The following PRKRA variants were observed in gnomAD, a reference collection of about 807,000 sequenced individuals.
PRKRA encodes protein activator of interferon induced protein kinase EIF2AK2, also known as interferon-inducible double-stranded RNA-dependent protein kinase activator A.
PRKRA carries 22 observed loss-of-function variants against 32.4 expected under a neutral mutation model. The ratio of observed to expected loss-of-function variants is 0.68; its 90% CI spans 0.49 to 0.97. The LOEUF (loss-of-function observed/expected upper bound fraction) is 0.97, where lower values mean the gene tolerates loss of function less well. Ranked by LOEUF, PRKRA falls within the 50% of genes least tolerant of loss-of-function variation. The pLI, the probability that PRKRA is intolerant of heterozygous loss-of-function variation, is 0.00. For missense variants in PRKRA, 319 were observed against 375.6 expected (o/e 0.85, Z 1.25); for synonymous variants, 139 against 129.8 (o/e 1.07, Z -0.48).
At chr2:178,449,661 TTTC>T (rs1159915620) in intron 2 of PRKRA, among the ~76,000 whole-genome samples, 3 of 152,372 alleles carry the variant, frequency 2.0e-5, no homozygotes, top group Non-Finnish European at 2.9e-5. Context: ...TCTGAACCTG[TTTC>T]TTCTTGTTTA....
chr2:178,437,689 G>A (rs1696954610), intron 6 of PRKRA, among the ~76,000 whole-genome samples: 1 of 152,096 alleles, frequency 6.6e-6, no homozygotes, highest in South Asian at 2.1e-4. Flanking sequence ...TGTCTTGGAG[G>A]GGGCTTGTTT....
intron 6 of PRKRA, chr2:178,439,728 T>G (rs1363448912): frequency 2.0e-5 from 3 of 152,116 alleles, no homozygotes; most frequent in Non-Finnish European, 4.4e-5. Flanking sequence ...ATGATTTTGG[T>G]TTTTTTCCAA....
chr2:178,437,330 A>C (rs1000924250), intron 6 of PRKRA, among the ~76,000 whole-genome samples: 2 of 152,184 alleles, frequency 1.3e-5, no homozygotes, highest in Non-Finnish European at 2.9e-5. Flanking sequence ...TCTATTTCTT[A>C]GACATACTGT....
rs1254097808 is a variant in PRKRA, at chr2:178,450,226, A to T, written c.235+16T>A. On this transcript the variant is annotated intron_variant, in intron 2 of 7. Transcript: ENST00000325748. ...GCCAACCCACTCGGTCATCCAGGTT[A>T]ACTGTGTATACAGACCTGTGCAGGT... 85 of 784,672 alleles carry T rather than the reference A, an allele frequency of 1.1e-4. No homozygotes were observed. Among genetic ancestry groups the T allele is most frequent in the East Asian group, 3.2e-4 (6 of 18,882 alleles). The allele number at this position is 784,672 out of a possible 1,614,324, so 48.6% of individuals were successfully genotyped here.
chr2:178,447,504 C>CATTAAGGGGTCAGGAACTG lies in PRKRA; in HGVS notation c.317_317+1insCAGTTCCTGACCCCTTAAT (p.Phe107SerfsTer3), dbSNP rs1697366798. ...GCTGAATACAAAGAAATTTAGCTCA[C>CATTAAGGGGTCAGGAACTG]CAAATACTTGCATTGGCTTTCAAAA... On this transcript the variant is annotated stop_gained and frameshift_variant and splice_region_variant. Coordinates refer to ENST00000325748, the MANE Select transcript of PRKRA (RefSeq NM_003690.5). LOFTEE classifies it high-confidence loss of function. The CATTAAGGGGTCAGGAACTG allele has an allele frequency of 0.072, 67,915 of 944,264 alleles. 4 individuals are homozygous for CATTAAGGGGTCAGGAACTG. Among genetic ancestry groups the CATTAAGGGGTCAGGAACTG allele is most frequent in the Admixed American group, 0.097 (3,404 of 35,106 alleles). 58.5% of individuals were successfully genotyped at this position (944,264 alleles called of 1,614,324 possible).
rs761919608 is a variant in PRKRA, at chr2:178,432,295, T to G, written c.785-41A>C. ...CAAGGATGACGATTAATGTCCAATA[T>G]GTATAAAGTGGATCCCTTTGTAAAA... is the stretch of plus-strand genomic sequence containing the variant. On this transcript the variant is annotated intron_variant, in intron 7 of 7. Coordinates refer to ENST00000325748, the MANE Select transcript of PRKRA (RefSeq NM_003690.5). 3.1e-6 allele frequency: 3 copies of G among 973,120 alleles called. No homozygotes were observed. The African/African-American group carries it at 5.5e-5, about 18-fold the overall frequency. 60.3% of individuals were successfully genotyped at this position (973,120 alleles called of 1,614,324 possible).
Position 178,436,269 on chromosome 2 carries a change from A to T in PRKRA, c.660T>A (p.Asn220Lys), listed in dbSNP as rs1696890484. Residue 220 changes from asparagine (N) to lysine (K), a missense_variant, in exon 7 of 8, where the codon AAT becomes AAA. Physicochemically the swap from Asn to Lys is moderately conservative, Grantham distance 94. Coordinates refer to ENST00000325748, the MANE Select transcript of PRKRA (RefSeq NM_003690.5). ...SLGCTWHSLR[N>K]SPGEKINLLK... ...GTAAGTTGATCTTTTCACCAGGAGA[A>T]TTCCTCAAGGAATGCCAAGTACATC... 2 of 1,613,844 alleles carry T rather than the reference A, an allele frequency of 1.2e-6. No individual in the cohort carries two copies. Among genetic ancestry groups the T allele is most frequent in the South Asian group, 1.1e-5 (1 of 91,088 alleles).
At chr2:178,440,174 T>G (rs1235252553) in intron 6 of PRKRA, 1 of 152,228 alleles carries the variant, frequency 6.6e-6, no homozygotes, top group Non-Finnish European at 1.5e-5. Context: ...TACTGTTGAC[T>G]CAAATTCCAA....
intron 7 of PRKRA, among the ~76,000 whole-genome samples, chr2:178,432,710 C>T (rs1009894081): frequency 9.9e-5 from 15 of 152,186 alleles, no homozygotes; most frequent in African/African-American, 3.4e-4. Context: ...TTTCAGGAGG[C>T]ATTTGAACCA....
intron 3 of PRKRA, among the ~76,000 whole-genome samples, chr2:178,446,598 TC>T (rs1477682811): frequency 6.6e-6 from 1 of 152,174 alleles, no homozygotes; most frequent in African/African-American, 2.4e-5. Context: ...AGATCGTACT[TC>T]AGGCATATGT....
At chr2:178,444,210 A>G (rs543154792) in intron 4 of PRKRA, among the ~76,000 whole-genome samples, 2 of 152,338 alleles carry the variant, frequency 1.3e-5, no homozygotes, top group African/African-American at 2.4e-5. Context: ...TGAGAATTCT[A>G]TAAGCCAAAG....
chr2:178,436,614 A>G (rs777648245), intron 6 of PRKRA, among the ~76,000 whole-genome samples: 1 of 152,204 alleles, frequency 6.6e-6, no homozygotes, highest in Non-Finnish European at 1.5e-5. Flanking sequence ...TAAGAGGTAC[A>G]AGATATCTGG....
At position 178,451,092 on chromosome 2, in the gene PRKRA, CGG is replaced by C; in HGVS notation, c.-64_-63del. 6.6e-7 allele frequency: 1 copy of C among 1,514,362 alleles called. No individual in the cohort carries two copies. The highest frequency in any genetic ancestry group is 2.5e-5 in the East Asian group (1 of 39,340). The allele number at this position is 1,514,362 out of a possible 1,614,324, so 93.8% of individuals were successfully genotyped here. The stretch of plus-strand genomic sequence containing the variant: ...GGTGCGGAGCGACGTGCTCGCTCCC[CGG>C]GTCGCTGGTCCCCGGGAGGAGCTCC... On this transcript the variant is annotated 5_prime_UTR_variant, in exon 1 of 8. Coordinates refer to ENST00000325748, the MANE Select transcript of PRKRA (RefSeq NM_003690.5).
intron 7 of PRKRA, 144 bp from the exon 8 acceptor site, chr2:178,432,398 G>C: frequency 8.9e-7 from 1 of 1,120,516 alleles, no homozygotes; most frequent in Non-Finnish European, 1.3e-6. Flanking sequence ...TGTTTTGCTT[G>C]TACAAACAAA....
In PRKRA at chr2:178,441,674, C is replaced by G. The variant is rs1468432994; in HGVS notation, c.545G>C (p.Arg182Thr). Residue 182 changes from arginine (R) to threonine (T), a missense_variant, in exon 6 of 8, where the codon AGG becomes ACG. By Grantham distance (71) the Arg-to-Thr change is moderately conservative. Transcript: ENST00000325748. The part of the protein sequence containing the change: ...GKGASKKQAK[R>T]NAAEKFLAKF... The stretch of plus-strand genomic sequence containing the variant: ...GGCAAGAAATTTCTCAGCAGCATTC[C>G]TTTTGGCTTGCTTTTTTGATGCCCC... 5.0e-6 allele frequency: 8 copies of G among 1,612,510 alleles called. No individual in the cohort carries two copies. The highest frequency in any genetic ancestry group is 5.9e-6 in the Non-Finnish European group (7 of 1,178,708).
chr2:178,435,624 A>G (rs1471332001), intron 7 of PRKRA, among the ~76,000 whole-genome samples: 1 of 152,178 alleles, frequency 6.6e-6, no homozygotes, highest in African/African-American at 2.4e-5. Context: ...TAGAGAGAAA[A>G]GGTCTGGGCA....
intron 7 of PRKRA, among the ~76,000 whole-genome samples, chr2:178,434,401 G>A (rs181133338): frequency 9.2e-4 from 139 of 150,554 alleles, no homozygotes; most frequent in Middle Eastern, 3.5e-3. Flanking sequence ...GTGAGCCACC[G>A]CACCTGGCCT....
chr2:178,438,793 C>T (rs1032764570), intron 6 of PRKRA: 2 of 152,092 alleles, frequency 1.3e-5, no homozygotes, highest in African/African-American at 4.8e-5. Flanking sequence ...ATTCTCCTGA[C>T]TCAGCCTCCG....
chr2:178,443,554 T>C, intron 4 of PRKRA, 170 bp from the exon 5 acceptor site: 1 of 562,198 alleles, frequency 1.8e-6, no homozygotes, highest in East Asian at 3.1e-5. Flanking sequence ...TTCCCGCATT[T>C]TATATTTTTA....
Sources: allele counts gnomAD v4.1 joint callset (sites outside exome capture counted in the v4.1 genomes callset), GRCh38; gene constraint gnomAD v4.1.1; transcripts MANE v1.5; gene names NCBI Gene and HGNC (gene_info 2026-07-23, HGNC 2026-07-21).